ZNF628: variants seen among roughly 807,000 people sequenced by gnomAD.
ZNF628 encodes zinc finger protein 628.
ZNF628 carries 3 observed loss-of-function variants against 2.5 expected under a neutral mutation model. The observed-to-expected ratio is 1.19, with a 90% CI of 0.54 to 3.07. The LOEUF (loss-of-function observed/expected upper bound fraction) is 3.07. Among genes scored for constraint, ZNF628 ranks in the 30% most tolerant of loss-of-function variants. The pLI is 0.03. For missense variants in ZNF628, 1,610 were observed against 1,517.1 expected (o/e 1.06, Z -1.02); for synonymous variants, 861 against 717.1 (o/e 1.20, Z -3.21).
At chr19:55,476,880 G>GC (rs1235062843) in intron 1 of ZNF628, 73 bp downstream of exon 1, 1 of 142,850 alleles carries the variant, frequency 7.0e-6, no homozygotes, top group African/African-American at 2.5e-5. Context: ...TGGGGCGGGG[G>GC]GGGGGGCGTG....
chr19:55,477,592 T>C (rs1263841732), intron 1 of ZNF628, among the ~76,000 whole-genome samples: 3 of 151,890 alleles, frequency 2.0e-5, no homozygotes, highest in Non-Finnish European at 2.9e-5. Context: ...TGAAACCCCG[T>C]CTCTACTAAA....
intron 1 of ZNF628, among the ~76,000 whole-genome samples, chr19:55,477,170 G>T (rs1986573347): frequency 6.6e-6 from 1 of 152,172 alleles, no homozygotes. Context: ...GTGGAGATGG[G>T]GCTCCAGTGG....
Position 55,483,205 on chromosome 19 carries a change from C to A in ZNF628, c.2012C>A (p.Ala671Asp). The A allele has an allele frequency of 6.5e-7, 1 of 1,542,964 alleles. No homozygotes were observed. Among genetic ancestry groups the A allele is most frequent in the Non-Finnish European group, 8.7e-7 (1 of 1,151,130 alleles). ...CCTGCTCCACTGGCTGCTGCGCGGG[C>A]CCCGCCAGCCACCCAAGATGTCCAC... The part of the protein sequence containing the change: ...QPPAPLAAAR[A>D]PPATQDVHVL... Residue 671 changes from alanine to aspartate, a missense_variant, in exon 3 of 3, where the codon GCC (alanine) becomes GAC (aspartate). Physicochemically the swap from Ala to Asp is moderately radical, Grantham distance 126. Around this residue, in one of 5 missense-constraint regions of ZNF628, gnomAD observed 712 missense variants for 603.6 expected, o/e 1.18. Transcript: ENST00000598519.
chr19:55,481,127 GA>G (rs2123410527), intron 2 of ZNF628, 73 bp from the exon 3 acceptor site: 2 of 1,444,544 alleles, frequency 1.4e-6, no homozygotes, highest in South Asian at 2.9e-5. Flanking sequence ...GTCCCTTAAA[GA>G]GCCCGTGTGT....
chr19:55,482,836 G>C lies in ZNF628; in HGVS notation c.1643G>C (p.Arg548Pro). Reference protein sequence around the residue: ...YACGECGKAFRNTSCLRRHRH... With the variant: ...YACGECGKAFPNTSCLRRHRH... ...TGCGGGGAGTGTGGCAAGGCCTTCC[G>C]CAACACGTCGTGCCTGCGTCGCCAC... The change falls in exon 3 of 3, where the codon CGC (arginine) becomes CCC (proline). Residue 548 changes from arginine to proline, a missense_variant. Physicochemically the swap from Arg to Pro is moderately radical, Grantham distance 103. Transcript: ENST00000598519. 6.2e-7 allele frequency: 1 copy of C among 1,601,636 alleles called. No individual in the cohort carries two copies. The highest frequency in any genetic ancestry group is 1.1e-5 in the South Asian group (1 of 90,376).
At position 55,482,738 on chromosome 19, in the gene ZNF628, C is replaced by T. The variant is rs1986766373; in HGVS notation, c.1545C>T (p.Cys515=). Residue 515 remains cysteine, a synonymous_variant, in exon 3 of 3, where the codon TGC becomes TGT. Transcript: ENST00000598519. ...TGCGGGCCTTCACCTGTGGCCAGTG[C>T]GGCCTCACCTTCAAGTGGTCGTCCC... ...TGLRAFTCGQ[C]GLTFKWSSHY... 4 of 1,612,272 alleles carry T rather than the reference C, an allele frequency of 2.5e-6. No individual in the cohort carries two copies. The highest frequency in any genetic ancestry group is 2.7e-5 in the African/African-American group (2 of 74,864).
chr19:55,483,890 G>A lies in ZNF628; in HGVS notation c.2697G>A (p.Glu899=), dbSNP rs771232277. The change falls in exon 3 of 3, where the codon GAG becomes GAA. Residue 899 remains glutamate, a synonymous_variant. Transcript: ENST00000598519. Reference sequence around the variant, plus strand: ...TTGTTCAGAGCGGGGCAGCTGAGGAGTTGCTCACTGGCCCGGGCCCCGGGG... The same window carrying A: ...TTGTTCAGAGCGGGGCAGCTGAGGAATTGCTCACTGGCCCGGGCCCCGGGG... ...LLVVQSGAAE[E]LLTGPGPGEA... The A allele has an allele frequency of 1.2e-6, 2 of 1,602,500 alleles. No homozygotes were observed. The highest frequency in any genetic ancestry group is 1.7e-6 in the Non-Finnish European group (2 of 1,173,562).
rs779309683 is a variant in ZNF628 at position 55,483,782 on chromosome 19, C to T, written c.2589C>T (p.Thr863=). The change falls in exon 3 of 3, where the codon ACC becomes ACT. Residue 863 remains threonine (T), a synonymous_variant. Transcript: ENST00000598519. The part of the protein sequence containing the change: ...TVQLQPAQEV[T]TVQLQPVAGQ... The stretch of plus-strand genomic sequence containing the variant: ...AGCTCCAGCCAGCACAGGAGGTGAC[C>T]ACGGTCCAGCTCCAGCCCGTGGCCG... 1.9e-6 allele frequency: 3 copies of T among 1,613,784 alleles called. No individual in the cohort carries two copies. The Admixed American group carries it at 5.0e-5, about 27-fold the overall frequency.
chr19:55,479,955 G>C lies in ZNF628; in HGVS notation c.7+38G>C. The C allele has an allele frequency of 2.5e-6, 1 of 399,306 alleles. No homozygotes were observed. Among genetic ancestry groups the C allele is most frequent in the Non-Finnish European group, 4.4e-6 (1 of 226,202 alleles). The allele number at this position is 399,306 out of a possible 1,614,324, so 24.7% of individuals were successfully genotyped here. ...GGAGTGCATGGGCCAGAGACATGTA[G>C]TGTGAGCCAGGGAGGGTGATGGTGA... On this transcript the variant is annotated intron_variant, in intron 2 of 2. Transcript: ENST00000598519. The surrounding 1 kb of genome is among the most constrained non-coding windows in gnomAD (Gnocchi z 5.1).
At position 55,483,276 on chromosome 19, in the gene ZNF628, G is replaced by T. The variant is rs746611968; in HGVS notation, c.2083G>T (p.Gly695Cys). 2.0e-6 allele frequency: 3 copies of T among 1,519,232 alleles called. No homozygotes were observed. In the African/African-American group the frequency reaches 4.1e-5, roughly 21 times the overall value. The allele number at this position is 1,519,232 out of a possible 1,614,324, so 94.1% of individuals were successfully genotyped here. A position where few individuals can be genotyped will look rare whatever the true frequency, so the allele number is the denominator to read the frequency against. The change falls in exon 3 of 3, where the codon GGC (glycine) becomes TGC (cysteine). Residue 695 changes from glycine to cysteine, a missense_variant. Transcript: ENST00000598519. The stretch of plus-strand genomic sequence containing the variant: ...CACGCTCTCCCTCGAGGTGGCGGGG[G>T]GCACGGCCCAGGCCCCGAGCTTGGG... ...QATLSLEVAG[G>C]TAQAPSLGPA...
chr19:55,484,326 C>A lies in ZNF628; in HGVS notation c.3133C>A (p.Gln1045Lys). ...VMTPQGLPSI[Q>K]IVQTLPAVQL... ...GACCCCTCAGGGCCTGCCCTCCATC[C>A]AGATTGTCCAGACTCTACCCGCAGT... Residue 1045 changes from glutamine to lysine, a missense_variant, in exon 3 of 3, where the codon CAG becomes AAG. Gln to Lys is a moderately conservative substitution (Grantham distance 53). This residue lies in a region of ZNF628 where 712 missense variants were observed against 603.6 expected (regional missense o/e 1.18). Transcript: ENST00000598519. 1 of 1,483,106 alleles carries A rather than the reference C, an allele frequency of 6.7e-7. No homozygotes were observed. The highest frequency in any genetic ancestry group is 1.3e-5 in the South Asian group (1 of 74,266). The allele number at this position is 1,483,106 out of a possible 1,614,324, so 91.9% of individuals were successfully genotyped here.
Position 55,479,190 on chromosome 19 carries a change from C to T in ZNF628, c.-77-644C>T, listed in dbSNP as rs531170186. Among the ~76,000 whole-genome samples the T allele has an allele frequency of 2.8e-4, 43 of 152,106 alleles. No homozygotes were observed. Among genetic ancestry groups the T allele is most frequent in the African/African-American group, 9.6e-4 (40 of 41,484 alleles). On this transcript the variant is annotated intron_variant, in intron 1 of 2. Transcript: ENST00000598519. The surrounding 1 kb of genome is among the most constrained non-coding windows in gnomAD (Gnocchi z 5.1). ...GGGACTGAGATGGGGTGACAGGTGA[C>T]GGAGGGCAGTGAGGGAGCGAGGTAT...
In ZNF628 at chr19:55,483,993, C is replaced by A; in HGVS notation, c.2800C>A (p.Gln934Lys). ...GACACTCCAGACGGACGAGGGCTTG[C>A]AGAGCGTGCTGGTGCTGAGCGGGGC... ...FETLQTDEGLQSVLVLSGADG... is the reference protein window; with the variant it reads ...FETLQTDEGLKSVLVLSGADG... Residue 934 changes from glutamine (Q) to lysine (K), a missense_variant, in exon 3 of 3, where the codon CAG becomes AAG. Gln to Lys is a moderately conservative substitution (Grantham distance 53). Transcript: ENST00000598519. 1 of 1,582,330 alleles carries A rather than the reference C, an allele frequency of 6.3e-7. No homozygotes were observed. Among genetic ancestry groups the A allele is most frequent in the Non-Finnish European group, 8.6e-7 (1 of 1,162,526 alleles).
At chr19:55,480,249 C>CT (rs35704154) in intron 2 of ZNF628, among the ~76,000 whole-genome samples, 12,085 of 127,970 alleles carry the variant, frequency 0.094, 972 homozygotes, top group African/African-American at 0.15. Flanking sequence ...TTTTTTTTTC[C>CT]TTTTTTTTTT....
At position 55,481,986 on chromosome 19, in the gene ZNF628, C is replaced by T. The variant is rs1477972761; in HGVS notation, c.793C>T (p.Pro265Ser). Residue 265 changes from proline to serine, a missense_variant, in exon 3 of 3, where the codon CCG becomes TCG. By Grantham distance (74) the Pro-to-Ser change is moderately conservative (BLOSUM62 -1). Around this residue, in one of 5 missense-constraint regions of ZNF628, gnomAD observed 651 missense variants for 575.6 expected, o/e 1.13. Coordinates refer to ENST00000598519, the MANE Select transcript of ZNF628 (RefSeq NM_033113.3). ...YLQRHLQPHS[P>S]PAPPAPPPPP... is the part of the protein sequence containing the mutation. ...GCAGCGGCACCTCCAGCCCCACAGC[C>T]CGCCCGCGCCTCCCGCCCCGCCGCC... 1 of 1,458,042 alleles carries T rather than the reference C, an allele frequency of 6.9e-7. No individual in the cohort carries two copies. The highest frequency in any genetic ancestry group is 9.0e-7 in the Non-Finnish European group (1 of 1,111,342). The allele number at this position is 1,458,042 out of a possible 1,614,324, so 90.3% of individuals were successfully genotyped here.
intron 1 of ZNF628, among the ~76,000 whole-genome samples, chr19:55,477,286 A>G (rs1986577622): frequency 6.6e-6 from 1 of 151,604 alleles, no homozygotes; most frequent in African/African-American, 2.4e-5. Flanking sequence ...CAGGGCACGG[A>G]TATCTCTTTT....
Position 55,479,853 on chromosome 19 carries a change from G to A in ZNF628, c.-58G>A, listed in dbSNP as rs914726381. ...TCACAGAGGCATGATCAAGGACAGG[G>A]TTGCCTGCCAAGAACAGGAGGGGAG... On this transcript the variant is annotated 5_prime_UTR_variant, in exon 2 of 3. Transcript: ENST00000598519. This position sits in a 1 kb window ranked among gnomAD's most constrained non-coding sequence, Gnocchi z 5.1. 2.5e-5 allele frequency: 10 copies of A among 399,998 alleles called. No homozygotes were observed. The highest frequency in any genetic ancestry group is 1.6e-4 in the African/African-American group (8 of 48,648). 24.8% of individuals were successfully genotyped at this position (399,998 alleles called of 1,614,324 possible). A position where few individuals can be genotyped will look rare whatever the true frequency, so the allele number is the denominator to read the frequency against.
rs1986648078 is a variant in ZNF628, at chr19:55,479,536, C to G, written c.-77-298C>G. Among the ~76,000 whole-genome samples the G allele has an allele frequency of 6.6e-6, 1 of 152,076 alleles. No homozygotes were observed. The highest frequency in any genetic ancestry group is 2.4e-5 in the African/African-American group (1 of 41,396). ...AAGGCACAGTCCACGGGCACTGGGT[C>G]AGGCCTGTGGGGAAGGATTGCGCAG... is the stretch of plus-strand genomic sequence containing the variant. On this transcript the variant is annotated intron_variant, in intron 1 of 2. Transcript: ENST00000598519. The surrounding 1 kb of genome is among the most constrained non-coding windows in gnomAD (Gnocchi z 5.1).
At chr19:55,478,224 C>T (rs1040905786) in intron 1 of ZNF628, among the ~76,000 whole-genome samples, 2 of 152,148 alleles carry the variant, frequency 1.3e-5, no homozygotes, top group Non-Finnish European at 2.9e-5. Context: ...GCTGAGAATC[C>T]TGGTACATTA....
Sources: gnomAD v4.1 joint callset for allele counts (sites outside exome capture counted in the v4.1 genomes callset) on GRCh38, gnomAD v4.1.1 for gene constraint, gnomAD v4.1.1 regional missense constraint, Gnocchi (gnomAD v3.1) non-coding constraint, MANE v1.5 for transcripts, NCBI Gene and HGNC (gene_info 2026-07-23, HGNC 2026-07-21) for gene names.